Variants in NRXN3 observed in about 807,000 individuals in gnomAD.
NRXN3 encodes neurexin III.
NRXN3 carries 32 observed loss-of-function variants against 137.6 expected under a neutral mutation model. That is an observed-to-expected ratio of 0.23 (90% confidence interval 0.18 to 0.31). The LOEUF is 0.31. Ranked by LOEUF, NRXN3 falls within the 10% of genes least tolerant of loss-of-function variation. NRXN3 has a pLI of 1.00. For missense variants in NRXN3, 1,574 were observed against 2,062.5 expected (o/e 0.76, Z 4.59); for synonymous variants, 798 against 784.5 (o/e 1.02, Z -0.29).
intron 4 of NRXN3, among the ~76,000 whole-genome samples, chr14:78,307,892 T>C (rs1267191238): frequency 6.6e-6 from 1 of 152,130 alleles, no homozygotes; most frequent in Non-Finnish European, 1.5e-5. Context: ...TAACTGCTAA[T>C]TATTTCACTC....
At chr14:79,123,827 T>C (rs555238807) in intron 15 of NRXN3, among the ~76,000 whole-genome samples, 5 of 152,286 alleles carry the variant, frequency 3.3e-5, no homozygotes, top group African/African-American at 1.2e-4. Flanking sequence ...AGCAAAGTTG[T>C]GGTTGGGGAA....
chr14:79,269,720 C>T (rs149127426), intron 15 of NRXN3, among the ~76,000 whole-genome samples: 157 of 152,226 alleles, frequency 1.0e-3, no homozygotes, highest in African/African-American at 3.7e-3. Context: ...ATATTCTTCC[C>T]ATACCGATGA....
At chr14:79,705,902 T>C (rs2098776448) in intron 19 of NRXN3, among the ~76,000 whole-genome samples, 1 of 152,210 alleles carries the variant, frequency 6.6e-6, no homozygotes, top group East Asian at 1.9e-4. Flanking sequence ...AAGATCTTTA[T>C]TTTAGGCACT....
At chr14:78,202,632 T>G (rs759240716) in intron 1 of NRXN3, among the ~76,000 whole-genome samples, 3 of 152,130 alleles carry the variant, frequency 2.0e-5, no homozygotes, top group Admixed American at 6.5e-5. Context: ...GTTGGCCAGG[T>G]GGGCTAAACA....
intron 1 of NRXN3, among the ~76,000 whole-genome samples, chr14:78,203,803 G>GGTGTGTGTGTGTGTGTGT (rs3059003): frequency 7.5e-6 from 1 of 133,950 alleles, no homozygotes; most frequent in African/African-American, 2.8e-5. Context: ...GATCCTTCCA[G>GGTGTGTGTGTGTGTGTGT]GTGTGTGTGT....
intron 15 of NRXN3, among the ~76,000 whole-genome samples, chr14:79,180,276 C>T (rs1440858928): frequency 6.6e-6 from 1 of 152,158 alleles, no homozygotes; most frequent in African/African-American, 2.4e-5. Context: ...TTGCTGCTAC[C>T]TGCAACCTGC....
intron 15 of NRXN3, among the ~76,000 whole-genome samples, chr14:79,024,286 T>C (rs2099594676): frequency 6.6e-6 from 1 of 152,190 alleles, no homozygotes; most frequent in Non-Finnish European, 1.5e-5. Flanking sequence ...CTCCTTTCTC[T>C]CTTTTTTTCT....
At chr14:78,738,766 G>A (rs1282219442) in intron 8 of NRXN3, among the ~76,000 whole-genome samples, 3 of 151,874 alleles carry the variant, frequency 2.0e-5, no homozygotes, top group Non-Finnish European at 4.4e-5. Context: ...TTAACACTGT[G>A]GTGAGGGGTG....
At chr14:78,381,136 A>G (rs1018468206) in intron 4 of NRXN3, among the ~76,000 whole-genome samples, 2 of 152,228 alleles carry the variant, frequency 1.3e-5, no homozygotes, top group Non-Finnish European at 1.5e-5. Context: ...ATCACTACTT[A>G]TTAAAAAATT....
intron 15 of NRXN3, among the ~76,000 whole-genome samples, chr14:79,137,248 C>T (rs1375135675): frequency 6.6e-6 from 1 of 152,130 alleles, no homozygotes; most frequent in East Asian, 1.9e-4. Flanking sequence ...GTATTTTGGC[C>T]TTCAGCTGGA....
At chr14:79,208,750 A>G (rs533671485) in intron 15 of NRXN3, among the ~76,000 whole-genome samples, 9 of 152,328 alleles carry the variant, frequency 5.9e-5, no homozygotes, top group Non-Finnish European at 8.8e-5. Flanking sequence ...TTTATTAATC[A>G]TATCTATAGC....
At chr14:78,390,049 G>A (rs2090546950) in intron 4 of NRXN3, among the ~76,000 whole-genome samples, 1 of 152,102 alleles carries the variant, frequency 6.6e-6, no homozygotes, top group Non-Finnish European at 1.5e-5. Flanking sequence ...ACTATGTTCA[G>A]TTAATCTTTC....
At chr14:79,574,950 T>C (rs1322853112) in intron 16 of NRXN3, among the ~76,000 whole-genome samples, 1 of 147,022 alleles carries the variant, frequency 6.8e-6, no homozygotes, top group Non-Finnish European at 1.5e-5. Context: ...ACATTCTTGC[T>C]TTAAAAAAAA....
At chr14:79,464,574 A>C (rs939109655) in intron 15 of NRXN3, among the ~76,000 whole-genome samples, 1 of 152,184 alleles carries the variant, frequency 6.6e-6, no homozygotes, top group Non-Finnish European at 1.5e-5. Flanking sequence ...TGATATGGTG[A>C]GATGGCCAGA....
intron 4 of NRXN3, among the ~76,000 whole-genome samples, chr14:78,385,324 C>T (rs2089795242): frequency 6.8e-6 from 1 of 146,692 alleles, no homozygotes; most frequent in African/African-American, 2.6e-5. Flanking sequence ...CACACACACA[C>T]ACACACACAC....
chr14:78,629,520 G>T (rs1387641201), intron 4 of NRXN3, among the ~76,000 whole-genome samples: 1 of 152,214 alleles, frequency 6.6e-6, no homozygotes, highest in African/African-American at 2.4e-5. Flanking sequence ...ATGCACTGGA[G>T]GCTGCCATCC....
chr14:79,462,323 A>C (rs889255844), intron 15 of NRXN3, among the ~76,000 whole-genome samples: 1 of 152,124 alleles, frequency 6.6e-6, no homozygotes, highest in African/African-American at 2.4e-5. Context: ...CAGTGAGCCA[A>C]GATCATGCCA....
At chr14:79,246,596 C>G (rs1326207300) in intron 15 of NRXN3, 1 of 152,126 alleles carries the variant, frequency 6.6e-6, no homozygotes, top group East Asian at 1.9e-4. Flanking sequence ...CTTCTCACAT[C>G]ATGGCCTTCT....
intron 20 of NRXN3, among the ~76,000 whole-genome samples, chr14:79,808,329 T>C (rs2099218217): frequency 6.6e-6 from 1 of 150,788 alleles, no homozygotes; most frequent in Non-Finnish European, 1.5e-5. Context: ...ACAATACAGA[T>C]TAAAATCAGA....
Sources: allele counts gnomAD v4.1 joint callset (sites outside exome capture counted in the v4.1 genomes callset), GRCh38; gene constraint gnomAD v4.1.1; transcripts MANE v1.5; gene names NCBI Gene and HGNC (gene_info 2026-07-23, HGNC 2026-07-21).